NOX4: variants seen among roughly 807,000 people sequenced by gnomAD.
NOX4 encodes NADPH oxidase 4.
NOX4 carries 69 observed loss-of-function variants against 87.6 expected under a neutral mutation model. The ratio of observed to expected loss-of-function variants is 0.79; its 90% CI spans 0.65 to 0.96. The LOEUF (loss-of-function observed/expected upper bound fraction) is 0.96, where lower values mean the gene tolerates loss of function less well. NOX4 is among the 40% of genes least tolerant of loss of function. The probability of loss-of-function intolerance (pLI) is 0.00; values close to 1 mark genes in which losing one functional copy is unlikely to be tolerated. For synonymous variants in NOX4, 275 were observed against 238.2 expected, an observed-to-expected ratio of 1.15 and a Z score of -1.42; for missense variants, 680 against 681.5, an observed-to-expected ratio of 1.00 and a Z score of 0.02.
intron 17 of NOX4, among the ~76,000 whole-genome samples, chr11:89,329,495 A>C (rs1356405277): frequency 6.7e-6 from 1 of 150,352 alleles, no homozygotes; most frequent in Non-Finnish European, 1.5e-5. Context: ...AAAAAATAAA[A>C]GATCTCATTA....
chr11:89,534,610 C>T, the NOX4 span, among the ~76,000 whole-genome samples: 9 of 152,302 alleles, frequency 5.9e-5, no homozygotes, highest in East Asian at 7.7e-4. Flanking sequence ...GGCCTTATCC[C>T]GGGGACTGAG....
At chr11:89,339,417 T>A (rs954681393) in intron 15 of NOX4, among the ~76,000 whole-genome samples, 5 of 152,136 alleles carry the variant, frequency 3.3e-5, no homozygotes, top group Non-Finnish European at 7.4e-5. Context: ...TCTGTTTACA[T>A]AGATTAGGTA....
At chr11:89,395,210 T>C (rs1941391045) in intron 11 of NOX4, among the ~76,000 whole-genome samples, 1 of 152,186 alleles carries the variant, frequency 6.6e-6, no homozygotes, top group Non-Finnish European at 1.5e-5. Flanking sequence ...TGGTGTGAGA[T>C]GGTATCTCAT....
chr11:89,440,355 T>C (rs889897196), intron 6 of NOX4, among the ~76,000 whole-genome samples: 1 of 152,182 alleles, frequency 6.6e-6, no homozygotes, highest in African/African-American at 2.4e-5. Flanking sequence ...TCTTACTCTG[T>C]CACGCCCAGG....
the NOX4 span, among the ~76,000 whole-genome samples, chr11:89,558,305 A>G: frequency 6.6e-6 from 1 of 152,162 alleles, no homozygotes. Flanking sequence ...TAAGACATAA[A>G]GAAACCAACT....
intron 8 of NOX4, among the ~76,000 whole-genome samples, chr11:89,414,775 T>A (rs1214777507): frequency 1.3e-5 from 2 of 151,938 alleles, no homozygotes; most frequent in Non-Finnish European, 2.9e-5. Context: ...GGGAGCTAGT[T>A]AGATTTCACC....
At chr11:89,560,961 C>CAT in the NOX4 span, among the ~76,000 whole-genome samples, 5,835 of 52,330 alleles carry the variant, frequency 0.11, 1,143 homozygotes, top group Middle Eastern at 0.28. Context: ...CATCTCATCT[C>CAT]GTCTCTCTCT....
chr11:89,428,056 G>A (rs1807907391), intron 7 of NOX4, among the ~76,000 whole-genome samples: 1 of 152,146 alleles, frequency 6.6e-6, no homozygotes, highest in Non-Finnish European at 1.5e-5. Context: ...GAGAGTGAGG[G>A]CCAACATTCA....
intron 1 of NOX4, chr11:89,490,895 A>G (rs1314566109): frequency 1.4e-6 from 1 of 701,576 alleles, no homozygotes; most frequent in African/African-American, 1.7e-5. Flanking sequence ...CAAAGGGAGC[A>G]AAAATGTTTA....
the NOX4 span, among the ~76,000 whole-genome samples, chr11:89,571,813 A>G: frequency 2.0e-5 from 3 of 152,190 alleles, no homozygotes; most frequent in African/African-American, 7.2e-5. Context: ...CTACAAAGAT[A>G]AAAAGCTACA....
At position 89,365,126 on chromosome 11, in the gene NOX4, G is replaced by A. The variant is rs559367356; in HGVS notation, c.1135+8306C>T. Among the ~76,000 whole-genome samples, 103 of 152,126 alleles carry A rather than the reference G, an allele frequency of 6.8e-4. 1 individual carries two copies. Among genetic ancestry groups the A allele is most frequent in the African/African-American group, 2.4e-3 (98 of 41,518 alleles). The stretch of plus-strand genomic sequence containing the variant: ...TAGCAGGGTCATATGCCATCTGCAT[G>A]CCTCAACATCTGGTACTTTTAAATA... On this transcript the variant is annotated intron_variant, in intron 12 of 17. Coordinates refer to ENST00000263317, the MANE Select transcript of NOX4 (RefSeq NM_016931.5).
chr11:89,573,221 T>A, the NOX4 span, among the ~76,000 whole-genome samples: 1 of 152,218 alleles, frequency 6.6e-6, no homozygotes, highest in Non-Finnish European at 1.5e-5. Context: ...TATCATTTAT[T>A]TTGCTTTAAC....
At chr11:89,399,464 T>C (rs1565238957) in intron 11 of NOX4, among the ~76,000 whole-genome samples, 1 of 141,820 alleles carries the variant, frequency 7.1e-6, no homozygotes, top group African/African-American at 2.6e-5. Flanking sequence ...TATATATATA[T>C]ATATATATTT....
At chr11:89,343,629 G>A (rs1402826035) in intron 13 of NOX4, among the ~76,000 whole-genome samples, 2 of 152,096 alleles carry the variant, frequency 1.3e-5, no homozygotes, top group Non-Finnish European at 2.9e-5. Context: ...ATTAATATGT[G>A]TGAAATACAC....
intron 12 of NOX4, among the ~76,000 whole-genome samples, chr11:89,363,199 T>TA (rs1403576985): frequency 2.6e-5 from 4 of 152,046 alleles, no homozygotes; most frequent in Admixed American, 2.6e-4. Flanking sequence ...AGAGGTTTTA[T>TA]AAAAAATAAA....
At chr11:89,578,231 G>T in the NOX4 span, among the ~76,000 whole-genome samples, 1 of 151,212 alleles carries the variant, frequency 6.6e-6, no homozygotes, top group South Asian at 2.1e-4. Context: ...GCGTGATCAC[G>T]GCTTACTGCA....
At chr11:89,456,459 C>G (rs1945203921) in intron 2 of NOX4, among the ~76,000 whole-genome samples, 1 of 152,014 alleles carries the variant, frequency 6.6e-6, no homozygotes, top group African/African-American at 2.4e-5. Flanking sequence ...CACTGAGAGA[C>G]AGGGACATGG....
At chr11:89,371,698 G>C (rs996788987) in intron 12 of NOX4, among the ~76,000 whole-genome samples, 3 of 151,348 alleles carry the variant, frequency 2.0e-5, no homozygotes, top group African/African-American at 7.3e-5. Flanking sequence ...AAAACACTGT[G>C]ATAATATCAA....
chr11:89,356,944 C>A (rs1340783866), intron 12 of NOX4, among the ~76,000 whole-genome samples: 2 of 152,114 alleles, frequency 1.3e-5, no homozygotes, highest in Admixed American at 1.3e-4. Context: ...TGTCTTGATA[C>A]GGTCGCACAG....
Sources: gnomAD v4.1 joint callset for allele counts (sites outside exome capture counted in the v4.1 genomes callset) on GRCh38, gnomAD v4.1.1 for gene constraint, MANE v1.5 for transcripts, NCBI Gene and HGNC (gene_info 2026-07-23, HGNC 2026-07-21) for gene names.